IDNK: variants seen among roughly 807,000 people sequenced by gnomAD.
The protein encoded by IDNK is IDNK gluconokinase, also known as gluconokinase.
In IDNK, 9 loss-of-function variants were observed where a neutral mutation model predicts 13.0. The ratio of observed to expected loss-of-function variants is 0.69; its 90% CI spans 0.42 to 1.21. The LOEUF (loss-of-function observed/expected upper bound fraction) is 1.21. IDNK is among the 50% of genes most tolerant of loss of function. The probability of loss-of-function intolerance (pLI) is 0.00; values close to 1 mark genes in which losing one functional copy is unlikely to be tolerated. For missense variants in IDNK, 210 were observed against 237.8 expected (o/e 0.88, Z 0.77); for synonymous variants, 92 against 94.9 (o/e 0.97, Z 0.18).
At chr9:83,631,479 G>GT (rs1455620477) in intron 3 of IDNK, among the ~76,000 whole-genome samples, 1 of 82,604 alleles carries the variant, frequency 1.2e-5, no homozygotes, top group East Asian at 2.4e-4. Flanking sequence ...AAGGCTGGTG[G>GT]TGCATGCCTG....
intron 3 of IDNK, among the ~76,000 whole-genome samples, chr9:83,632,808 A>AACTG (rs1303122074): frequency 6.6e-5 from 10 of 152,160 alleles, no homozygotes; most frequent in Non-Finnish European, 1.3e-4. Flanking sequence ...TGTCCACAGT[A>AACTG]ACTGTCTGGA....
In IDNK at chr9:83,628,896, T is replaced by G; in HGVS notation, c.105T>G (p.Ala35=). The change falls in exon 3 of 5, where the codon GCT becomes GCG. Residue 35 remains alanine, a synonymous_variant. Coordinates refer to ENST00000376419, the MANE Select transcript of IDNK (RefSeq NM_001001551.4). ...ASELGWKFYD[A]DDYHPEENRR... The stretch of plus-strand genomic sequence containing the variant: ...AGCTGGGATGGAAATTCTATGATGC[T>G]GATGATTATCACCCGGAGGAAAATC... The G allele has an allele frequency of 6.2e-7, 1 of 1,614,072 alleles. No individual in the cohort carries two copies. Among genetic ancestry groups the G allele is most frequent in the Admixed American group, 1.7e-5 (1 of 60,028 alleles).
intron 3 of IDNK, among the ~76,000 whole-genome samples, chr9:83,639,597 G>A (rs1831248285): frequency 6.6e-6 from 1 of 151,636 alleles, no homozygotes; most frequent in South Asian, 2.1e-4. Flanking sequence ...AAAGAGGGAG[G>A]TGGAAAACCT....
chr9:83,630,317 A>G (rs909200942), intron 3 of IDNK, among the ~76,000 whole-genome samples: 1 of 152,222 alleles, frequency 6.6e-6, no homozygotes, highest in East Asian at 1.9e-4. Flanking sequence ...GAGAGTAATA[A>G]TAATGAGAGT....
intron 1 of IDNK, chr9:83,626,405 CTTGT>C (rs1451979615): frequency 3.3e-6 from 1 of 303,900 alleles, no homozygotes; most frequent in African/African-American, 2.3e-5. Flanking sequence ...GCTAATCTAA[CTTGT>C]TTTTTTGTTT....
intron 1 of IDNK, among the ~76,000 whole-genome samples, chr9:83,624,829 T>G (rs1410768392): frequency 6.6e-6 from 1 of 152,150 alleles, no homozygotes; most frequent in Non-Finnish European, 1.5e-5. Context: ...TTCTCCTGCC[T>G]CAGGCTCCTA....
intron 3 of IDNK, among the ~76,000 whole-genome samples, chr9:83,631,810 T>C (rs1381336462): frequency 1.3e-5 from 2 of 152,068 alleles, no homozygotes; most frequent in African/African-American, 4.8e-5. Flanking sequence ...CTGTGATAAA[T>C]TATTAGCGTT....
chr9:83,627,034 T>G, intron 1 of IDNK: 2 of 172,782 alleles, frequency 1.2e-5, no homozygotes, highest in Non-Finnish European at 2.3e-5. Context: ...TTCAGGTACC[T>G]TCTATTCAAG....
rs1223525575 is a variant in IDNK at position 83,643,520 on chromosome 9, G to A, written c.304G>A (p.Ala102Thr). The A allele has an allele frequency of 1.2e-6, 2 of 1,613,920 alleles. No homozygotes were observed. The highest frequency in any genetic ancestry group is 1.7e-6 in the Non-Finnish European group (2 of 1,179,952). ...ATTAACACAAGGAAAAGATGGTGTA[G>A]CTCTGAAGTGTGAGGAGTCGGGAAA... The part of the protein sequence containing the change: ...DILTQGKDGV[A>T]LKCEESGKEA... The change falls in exon 5 of 5, where the codon GCT becomes ACT. Residue 102 changes from alanine to threonine, a missense_variant. By Grantham distance (58) the Ala-to-Thr change is moderately conservative. Coordinates refer to ENST00000376419, the MANE Select transcript of IDNK (RefSeq NM_001001551.4).
rs1830751836 is a variant in IDNK at position 83,623,276 on chromosome 9, A to AGGCCGGACGCGTCGCC, written c.50+57_50+72dup. The AGGCCGGACGCGTCGCC allele has an allele frequency of 2.7e-5, 36 of 1,343,320 alleles. No individual in the cohort carries two copies. The South Asian group carries it at 6.2e-4, about 23-fold the overall frequency. 83.2% of individuals were successfully genotyped at this position (1,343,320 alleles called of 1,614,324 possible). ...GGGACAAGTGTTGCGGGCGCGGCGG[A>AGGCCGGACGCGTCGCC]GGCCGGACGCGTCGCCGTCCCTGCC... On this transcript the variant is annotated intron_variant, in intron 1 of 4. Transcript: ENST00000376419.
At chr9:83,625,939 G>A (rs1286971470) in intron 1 of IDNK, among the ~76,000 whole-genome samples, 1 of 152,198 alleles carries the variant, frequency 6.6e-6, no homozygotes, top group African/African-American at 2.4e-5. Context: ...GATGGAAGAC[G>A]GCAGGCATCT....
rs574822703 is a variant in IDNK, at chr9:83,634,539, TTTTG to T, written c.168+5588_168+5591del. 2.4e-3 allele frequency among the ~76,000 whole-genome samples: 362 copies of T among 152,340 alleles called. 1 individual carries two copies. The highest frequency in any genetic ancestry group is 8.3e-3 in the African/African-American group (345 of 41,582). On this transcript the variant is annotated intron_variant, in intron 3 of 4. Coordinates refer to ENST00000376419, the MANE Select transcript of IDNK (RefSeq NM_001001551.4). ...ATTACCCAAATATGTTTTCTGTAAT[TTTTG>T]TTTGTTTCATTCTTATGAAATATTT...
At chr9:83,635,464 C>T (rs936042177) in intron 3 of IDNK, among the ~76,000 whole-genome samples, 1 of 152,244 alleles carries the variant, frequency 6.6e-6, no homozygotes, top group African/African-American at 2.4e-5. Context: ...ATGGCCAAGG[C>T]ACCATGTCCG....
chr9:83,636,803 A>G (rs904097701), intron 3 of IDNK, among the ~76,000 whole-genome samples: 10 of 152,260 alleles, frequency 6.6e-5, no homozygotes. Context: ...GTAAGGATAC[A>G]GAAGATTTGA....
rs561682249 is a variant in IDNK at position 83,627,944 on chromosome 9, T to C, written c.51-237T>C. 355 of 1,172,714 alleles carry C rather than the reference T, an allele frequency of 3.0e-4. No homozygotes were observed. In the African/African-American group the frequency reaches 5.0e-3, roughly 16 times the overall value. 72.6% of individuals were successfully genotyped at this position (1,172,714 alleles called of 1,614,324 possible). The stretch of plus-strand genomic sequence containing the variant: ...CTTGGGTTTAATGAGATCTTATATA[T>C]TGCCTTTAGAGAAAGAAATAGTGTT... On this transcript the variant is annotated intron_variant, in intron 1 of 4. Coordinates refer to ENST00000376419, the MANE Select transcript of IDNK (RefSeq NM_001001551.4).
At chr9:83,637,588 A>G (rs1831198019) in intron 3 of IDNK, among the ~76,000 whole-genome samples, 1 of 152,236 alleles carries the variant, frequency 6.6e-6, no homozygotes, top group Non-Finnish European at 1.5e-5. Flanking sequence ...AAAAATGGCC[A>G]AAGTCCAAAG....
chr9:83,641,808 G>A (rs946264605), intron 4 of IDNK, among the ~76,000 whole-genome samples: 1 of 152,214 alleles, frequency 6.6e-6, no homozygotes, highest in Non-Finnish European at 1.5e-5. Context: ...CTTCTAGACA[G>A]CTCCACACAG....
At chr9:83,632,715 C>T (rs1168780075) in intron 3 of IDNK, among the ~76,000 whole-genome samples, 1 of 152,132 alleles carries the variant, frequency 6.6e-6, no homozygotes, top group Non-Finnish European at 1.5e-5. Flanking sequence ...AACATCAGAG[C>T]CATAGGCAGA....
chr9:83,638,623 A>T (rs918944384), intron 3 of IDNK, among the ~76,000 whole-genome samples: 25 of 152,246 alleles, frequency 1.6e-4, no homozygotes, highest in African/African-American at 6.0e-4. Flanking sequence ...TCAAAGACAA[A>T]GAGGCTTTTT....
Sources: gnomAD v4.1 joint callset for allele counts (sites outside exome capture counted in the v4.1 genomes callset) on GRCh38, gnomAD v4.1.1 for gene constraint, MANE v1.5 for transcripts, NCBI Gene and HGNC (gene_info 2026-07-23, HGNC 2026-07-21) for gene names.